The following TSC22D1 variants were observed in gnomAD, a reference collection of about 807,000 sequenced individuals.
TSC22D1 encodes the protein TSC22 domain family member 1.
A neutral mutation model predicts 74.2 loss-of-function variants in TSC22D1; 9 were observed. That is an observed-to-expected ratio of 0.12 (90% CI 0.07 to 0.21). TSC22D1 has a LOEUF of 0.21. Among genes scored for constraint, TSC22D1 ranks in the 10% least tolerant of loss-of-function variants. The pLI is 1.00. For missense variants in TSC22D1, 1,427 were observed against 1,304.7 expected, an observed-to-expected ratio of 1.09 and a Z score of -1.44; for synonymous variants, 586 against 492.5, an observed-to-expected ratio of 1.19 and a Z score of -2.51.
rs912679087 is a variant in TSC22D1, at chr13:44,539,042, T to A, written c.2912+34121A>T. 3 of 985,226 alleles carry A rather than the reference T, an allele frequency of 3.0e-6. No individual in the cohort carries two copies. The African/African-American group carries it at 5.2e-5, about 17-fold the overall frequency. The allele number at this position is 985,226 out of a possible 1,614,324, so 61.0% of individuals were successfully genotyped here. A position where few individuals can be genotyped will look rare whatever the true frequency, so the allele number is the denominator to read the frequency against. On this transcript the variant is annotated intron_variant, in intron 1 of 2. Transcript: ENST00000458659. ...ATAAGAACTTCCTGGAATCAAATCC[T>A]ACCCTTGGCATCAAAGAAACTAAGA...
At chr13:44,481,365 G>A (rs1878169531) in intron 1 of TSC22D1, among the ~76,000 whole-genome samples, 1 of 152,210 alleles carries the variant, frequency 6.6e-6, no homozygotes, top group African/African-American at 2.4e-5. Context: ...GGTAACTGGT[G>A]AGGGGTGGGT....
intron 1 of TSC22D1, chr13:44,539,777 T>A: frequency 7.8e-7 from 1 of 1,282,350 alleles, no homozygotes; most frequent in South Asian, 1.3e-5. Context: ...TTGTTTATTA[T>A]CCTTTCCCAC....
Position 44,575,633 on chromosome 13 carries a change from C to T in TSC22D1, c.442G>A (p.Asp148Asn), listed in dbSNP as rs1040833771. The change falls in exon 1 of 3, where the codon GAT (aspartate) becomes AAT (asparagine). Residue 148 changes from aspartate to asparagine, a missense_variant. Asp to Asn is a conservative substitution (Grantham distance 23, BLOSUM62 1). Around this residue, in one of 3 missense-constraint regions of TSC22D1, gnomAD observed 1,343 missense variants for 1,191.5 expected, o/e 1.13. Coordinates refer to ENST00000458659, the MANE Select transcript of TSC22D1 (RefSeq NM_183422.4). ...YDDLDESHTEDLSSSEILDVS... is the reference protein window; with the variant it reads ...YDDLDESHTENLSSSEILDVS... ...TCAAGGATCTCCGAAGAAGAGAGATCTTCCGTGTGAGATTCATCCAGATCA... is the reference window on the plus strand; with the variant it reads ...TCAAGGATCTCCGAAGAAGAGAGATTTTCCGTGTGAGATTCATCCAGATCA... 2.5e-6 allele frequency: 4 copies of T among 1,614,196 alleles called. No individual in the cohort carries two copies. The highest frequency in any genetic ancestry group is 3.4e-6 in the Non-Finnish European group (4 of 1,180,046).
At chr13:44,462,147 T>C (rs1303348495) in intron 1 of TSC22D1, among the ~76,000 whole-genome samples, 2 of 152,196 alleles carry the variant, frequency 1.3e-5, no homozygotes, top group Non-Finnish European at 2.9e-5. Flanking sequence ...CTATGTATTA[T>C]ACAGAAACCA....
chr13:44,509,955 A>AAAAAAAAAAAAAAAAAAC (rs1321727201), intron 1 of TSC22D1, among the ~76,000 whole-genome samples: 3 of 148,566 alleles, frequency 2.0e-5, no homozygotes, highest in African/African-American at 5.0e-5. Context: ...ATAAGCAAAA[A>AAAAAAAAAAAAAAAAAAC]AAAAAAAAAA....
In TSC22D1 at chr13:44,576,312, G is replaced by T. The variant is rs1343947653; in HGVS notation, c.-238C>A. ...GGGACCCGAAGGGGGGATCCCTTCA[G>T]TCCTTCGCCATTCACTTTCCCCTCT... is the stretch of plus-strand genomic sequence containing the variant. On this transcript the variant is annotated 5_prime_UTR_variant, in exon 1 of 3. It adds an upstream start codon to the 5' untranslated region. Transcript: ENST00000458659. 3 of 544,822 alleles carry T rather than the reference G, an allele frequency of 5.5e-6. No homozygotes were observed. The highest frequency in any genetic ancestry group is 9.6e-6 in the Non-Finnish European group (3 of 312,664). 33.7% of individuals were successfully genotyped at this position (544,822 alleles called of 1,614,324 possible).
intron 1 of TSC22D1, among the ~76,000 whole-genome samples, chr13:44,529,661 T>C (rs753206008): frequency 6.6e-6 from 1 of 152,114 alleles, no homozygotes; most frequent in African/African-American, 2.4e-5. Context: ...TTGCAGATGA[T>C]ATGATTGTGT....
At chr13:44,495,862 T>A (rs1385169582) in intron 1 of TSC22D1, among the ~76,000 whole-genome samples, 1 of 152,180 alleles carries the variant, frequency 6.6e-6, no homozygotes, top group East Asian at 1.9e-4. Context: ...ACCAATGAAC[T>A]AAATGTAACA....
intron 1 of TSC22D1, among the ~76,000 whole-genome samples, chr13:44,554,726 AT>A (rs59747339): frequency 0.11 from 16,021 of 151,766 alleles, 927 homozygotes; most frequent in Non-Finnish European, 0.12. Context: ...TTCTAAAATA[AT>A]TTTTATATAG....
At chr13:44,536,925 T>G in intron 1 of TSC22D1, 1 of 608,574 alleles carries the variant, frequency 1.6e-6, no homozygotes. Context: ...AGTATTTTTC[T>G]GAAAAAAAAA....
At chr13:44,516,666 A>G (rs1312467852) in intron 1 of TSC22D1, among the ~76,000 whole-genome samples, 1 of 152,248 alleles carries the variant, frequency 6.6e-6, no homozygotes. Flanking sequence ...AAATGTATAA[A>G]GAGACATTTT....
At chr13:44,526,012 G>GA (rs1201278177) in intron 1 of TSC22D1, among the ~76,000 whole-genome samples, 2 of 152,146 alleles carry the variant, frequency 1.3e-5, no homozygotes, top group Admixed American at 6.5e-5. Flanking sequence ...TGAGGCTGGA[G>GA]AATCTCTTGA....
At chr13:44,570,055 TA>T (rs1253099774) in intron 1 of TSC22D1, among the ~76,000 whole-genome samples, 2 of 152,164 alleles carry the variant, frequency 1.3e-5, no homozygotes, top group Non-Finnish European at 2.9e-5. Flanking sequence ...GAAGGATGAA[TA>T]GAAGTTTGAC....
At chr13:44,538,386 C>T (rs972707588) in intron 1 of TSC22D1, 2 of 985,086 alleles carry the variant, frequency 2.0e-6, no homozygotes, top group Non-Finnish European at 2.4e-6. Context: ...AAGAAGTTCA[C>T]CCTTTATTTA....
At chr13:44,491,825 G>A (rs1030946343) in intron 1 of TSC22D1, among the ~76,000 whole-genome samples, 1 of 152,186 alleles carries the variant, frequency 6.6e-6, no homozygotes, top group African/African-American at 2.4e-5. Flanking sequence ...GGTTTTTTAT[G>A]TATTGATGGT....
rs751082764 is a variant in TSC22D1 at position 44,574,831 on chromosome 13, C to T, written c.1244G>A (p.Ser415Asn). Reference sequence around the variant, plus strand: ...TCTACCTTTTTTAAAGGGCTCAGAACTAGAATCTAACTTCACAACTCTGAA... The same window carrying T: ...TCTACCTTTTTTAAAGGGCTCAGAATTAGAATCTAACTTCACAACTCTGAA... Reference protein sequence around the residue: ...SRFRVVKLDSSSEPFKKGRWT... With the variant: ...SRFRVVKLDSNSEPFKKGRWT... Residue 415 changes from serine (S) to asparagine (N), a missense_variant, in exon 1 of 3, where the codon AGT (serine) becomes AAT (asparagine). Transcript: ENST00000458659. The T allele has an allele frequency of 1.9e-6, 3 of 1,614,128 alleles. No individual in the cohort carries two copies. The highest frequency in any genetic ancestry group is 2.2e-5 in the South Asian group (2 of 91,086).
chr13:44,534,698 C>A (rs890558317), intron 1 of TSC22D1, among the ~76,000 whole-genome samples: 1 of 152,094 alleles, frequency 6.6e-6, no homozygotes, highest in Admixed American at 6.6e-5. Context: ...TACAAGACTT[C>A]CGAGTTACAG....
At chr13:44,436,602 C>A in intron 1 of TSC22D1, 1 of 1,611,598 alleles carries the variant, frequency 6.2e-7, no homozygotes, top group Non-Finnish European at 8.5e-7. Flanking sequence ...GATCCATCGC[C>A]ACTGGTCTAC....
rs1052211410 is a variant in TSC22D1, at chr13:44,436,488, C to T, written c.2913-393G>A. On this transcript the variant is annotated intron_variant, in intron 1 of 2. Transcript: ENST00000458659. ...CCACGAATAAATTTAAAGAAACTATCTTAGCCGACATTTACCTATTATCAA... is the reference window on the plus strand; with the variant it reads ...CCACGAATAAATTTAAAGAAACTATTTTAGCCGACATTTACCTATTATCAA... 6 of 1,610,606 alleles carry T rather than the reference C, an allele frequency of 3.7e-6. No homozygotes were observed. In the Admixed American group the frequency reaches 5.1e-5, roughly 14 times the overall value.
Sources: gnomAD v4.1 joint callset for allele counts (sites outside exome capture counted in the v4.1 genomes callset) on GRCh38, gnomAD v4.1.1 for gene constraint, gnomAD v4.1.1 regional missense constraint, MANE v1.5 for transcripts, NCBI Gene and HGNC (gene_info 2026-07-23, HGNC 2026-07-21) for gene names.